The following LRP6 variants were observed in gnomAD, a reference collection of about 807,000 sequenced individuals.
LRP6 encodes LDL receptor related protein 6.
A neutral mutation model predicts 184.1 loss-of-function variants in LRP6; 43 were observed. The observed-to-expected ratio is 0.23, with a 90% CI of 0.18 to 0.30. The LOEUF is 0.30. LRP6 is among the 10% of genes least tolerant of loss of function. The pLI, the probability that LRP6 is intolerant of heterozygous loss-of-function variation, is 1.00. For missense variants in LRP6, 1,571 were observed against 2,005.3 expected, an observed-to-expected ratio of 0.78 and a Z score of 4.14; for synonymous variants, 719 against 684.9, an observed-to-expected ratio of 1.05 and a Z score of -0.78.
At chr12:12,183,258 C>G (rs944854063) in intron 5 of LRP6, among the ~76,000 whole-genome samples, 1 of 152,130 alleles carries the variant, frequency 6.6e-6, no homozygotes, top group Non-Finnish European at 1.5e-5. Flanking sequence ...ATTTTCTTAC[C>G]AGGTCTTGCT....
At chr12:12,242,354 CATA>C (rs1202260367) in intron 2 of LRP6, among the ~76,000 whole-genome samples, 1 of 152,172 alleles carries the variant, frequency 6.6e-6, no homozygotes, top group African/African-American at 2.4e-5. Context: ...GAACTCTGAA[CATA>C]ATAACCATTT....
At chr12:12,266,553 A>T in intron 1 of LRP6, 128 bp downstream of exon 1, 1 of 439,916 alleles carries the variant, frequency 2.3e-6, no homozygotes. Context: ...CCCCCTCCCC[A>T]CGACCAGGCC....
At chr12:12,207,269 G>A (rs1007306865) in intron 2 of LRP6, among the ~76,000 whole-genome samples, 9 of 152,112 alleles carry the variant, frequency 5.9e-5, no homozygotes, top group East Asian at 1.9e-4. Flanking sequence ...CTGTAATCCC[G>A]GCACTTTGGG....
intron 2 of LRP6, among the ~76,000 whole-genome samples, chr12:12,238,448 GATAA>G (rs1864978460): frequency 6.6e-6 from 1 of 151,732 alleles, no homozygotes; most frequent in Non-Finnish European, 1.5e-5. Context: ...TCCTAACCAG[GATAA>G]ATAAAAATAT....
At chr12:12,235,730 C>CA (rs1231537237) in intron 2 of LRP6, among the ~76,000 whole-genome samples, 94 of 128,598 alleles carry the variant, frequency 7.3e-4, no homozygotes, top group Middle Eastern at 4.1e-3. Context: ...AACTCCGGCT[C>CA]AAAAAAAAAA....
intron 17 of LRP6, among the ~76,000 whole-genome samples, chr12:12,133,860 GGGA>G (rs1332751548): frequency 6.5e-3 from 466 of 71,888 alleles, no homozygotes; most frequent in African/African-American, 0.022. Context: ...GGGGGGGGGG[GGGA>G]GGGTAAAGTA....
At chr12:12,141,788 A>C (rs1219140392) in intron 15 of LRP6, among the ~76,000 whole-genome samples, 23 of 152,218 alleles carry the variant, frequency 1.5e-4, no homozygotes, top group Admixed American at 1.5e-3. Flanking sequence ...GGGAGGAAAA[A>C]AGTTTTAGAA....
intron 2 of LRP6, among the ~76,000 whole-genome samples, chr12:12,215,845 CTACTAAAAA>C (rs770565412): frequency 8.6e-5 from 13 of 151,486 alleles, no homozygotes; most frequent in Non-Finnish European, 1.9e-4. Context: ...AACCCCGTCT[CTACTAAAAA>C]TACAAAAATT....
chr12:12,179,948 C>A lies in LRP6; in HGVS notation c.1407G>T (p.Pro469=). The part of the protein sequence containing the change: ...YMYWTDWGEI[P]KIERAALDGS... ...CATCCAGAGCTGCTCGCTCAATTTT[C>A]GGAATTTCTCCCCAGTCAGTCCAAT... is the stretch of plus-strand genomic sequence containing the variant. Residue 469 remains proline (P), a synonymous_variant, in exon 7 of 23, where the codon CCG becomes CCT. Coordinates refer to ENST00000261349, the MANE Select transcript of LRP6 (RefSeq NM_002336.3). The A allele has an allele frequency of 6.2e-7, 1 of 1,613,850 alleles. No individual in the cohort carries two copies. The highest frequency in any genetic ancestry group is 1.1e-5 in the South Asian group (1 of 91,070).
At chr12:12,159,235 GAA>G in intron 11 of LRP6, 80 bp from the exon 12 acceptor site, 2 of 900,118 alleles carry the variant, frequency 2.2e-6, no homozygotes, top group Non-Finnish European at 3.4e-6. Flanking sequence ...CTGGCAAAAA[GAA>G]AAAAAAAAGC....
intron 1 of LRP6, among the ~76,000 whole-genome samples, chr12:12,248,243 C>T (rs182880353): frequency 3.3e-5 from 5 of 152,214 alleles, no homozygotes; most frequent in Admixed American, 2.0e-4. Context: ...CAATGGTTTA[C>T]GCCAGGTTCC....
At chr12:12,151,176 C>A in intron 12 of LRP6, 138 bp from the exon 13 acceptor site, 1 of 779,686 alleles carries the variant, frequency 1.3e-6, no homozygotes, top group South Asian at 1.5e-5. Flanking sequence ...GGACAAAATT[C>A]TTTGGCATGC....
Position 12,258,964 on chromosome 12 carries a change from GA to G in LRP6, c.55+7716del, listed in dbSNP as rs369852735. Among the ~76,000 whole-genome samples, 1,446 of 149,312 alleles carry G rather than the reference GA, an allele frequency of 9.7e-3. 13 individuals carry two copies. The highest frequency in any genetic ancestry group is 0.029 in the South Asian group (136 of 4,726). ...AATATTTGGGTGACTATTTTCTTGG[GA>G]AAAAAAAAATGACAGCTGTGTGCAG... On this transcript the variant is annotated intron_variant, in intron 1 of 22. Transcript: ENST00000261349.
chr12:12,202,251 T>C (rs1591942193), intron 3 of LRP6, among the ~76,000 whole-genome samples: 1 of 152,244 alleles, frequency 6.6e-6, no homozygotes, highest in African/African-American at 2.4e-5. Flanking sequence ...GCTTTACAAA[T>C]AAAGTTTTAC....
chr12:12,263,715 T>A (rs1865685865), intron 1 of LRP6, among the ~76,000 whole-genome samples: 1 of 151,574 alleles, frequency 6.6e-6, no homozygotes, highest in Non-Finnish European at 1.5e-5. Flanking sequence ...ACAACTGTGG[T>A]CCCAGCTACT....
intron 2 of LRP6, among the ~76,000 whole-genome samples, chr12:12,235,510 C>T (rs1315762187): frequency 6.6e-6 from 1 of 152,028 alleles, no homozygotes; most frequent in Non-Finnish European, 1.5e-5. Flanking sequence ...GCAGGCGGAT[C>T]ACCTGAGGTT....
intron 1 of LRP6, among the ~76,000 whole-genome samples, chr12:12,248,671 G>C (rs563738939): frequency 6.6e-6 from 1 of 151,714 alleles, no homozygotes; most frequent in East Asian, 1.9e-4. Context: ...TAGTAGAGAT[G>C]GGGTTTCACC....
In LRP6 at chr12:12,181,361, ATGTC is replaced by A; in HGVS notation, c.1051_1054del (p.Asp351LeufsTer5). ...ACGGATGTCTTCTAACTGCAGAACA[ATGTC>A]TGTAAAATCTGGTGTATCCAAAGAA... On this transcript the variant is annotated frameshift_variant, in exon 6 of 23. Transcript: ENST00000261349. LOFTEE classifies it high-confidence loss of function. The A allele has an allele frequency of 6.2e-7, 1 of 1,610,234 alleles. No individual in the cohort carries two copies. Among genetic ancestry groups the A allele is most frequent in the Non-Finnish European group, 8.5e-7 (1 of 1,176,492 alleles).
At position 12,120,021 on chromosome 12, in the gene LRP6, ATATATATATATATATATATAT is replaced by A. The variant is rs1565519201; in HGVS notation, c.*1084_*1104del. ...TATATATATATATATATATATATAT[ATATATATATATATATATATAT>A]AAATGATTTCGTACTGTGATATATG... is the stretch of plus-strand genomic sequence containing the variant. On this transcript the variant is annotated 3_prime_UTR_variant, in exon 23 of 23. Transcript: ENST00000261349. 3.6e-5 allele frequency: 4 copies of A among 110,252 alleles called. No homozygotes were observed. Among genetic ancestry groups the A allele is most frequent in the African/African-American group, 1.2e-4 (4 of 32,392 alleles). 6.8% of individuals were successfully genotyped at this position (110,252 alleles called of 1,614,324 possible). A position where few individuals can be genotyped will look rare whatever the true frequency, so the allele number is the denominator to read the frequency against.
Sources: gnomAD v4.1 joint callset for allele counts (sites outside exome capture counted in the v4.1 genomes callset) on GRCh38, gnomAD v4.1.1 for gene constraint, MANE v1.5 for transcripts, NCBI Gene and HGNC (gene_info 2026-07-23, HGNC 2026-07-21) for gene names.